Variants in SNAP91 observed in about 807,000 individuals in gnomAD.
SNAP91 encodes the protein synaptosome associated protein 91.
A neutral mutation model predicts 100.3 loss-of-function variants in SNAP91; 27 were observed. The ratio of observed to expected loss-of-function variants is 0.27; its 90% CI spans 0.20 to 0.37. SNAP91 has a LOEUF of 0.37. Ranked by LOEUF, SNAP91 falls within the 10% of genes least tolerant of loss-of-function variation. The pLI is 1.00. For synonymous variants in SNAP91, 404 were observed against 398.6 expected (o/e 1.01, Z -0.16); for missense variants, 986 against 1,123.7 (o/e 0.88, Z 1.75).
At chr6:83,690,866 T>C (rs2099122069) in intron 2 of SNAP91, among the ~76,000 whole-genome samples, 2 of 152,214 alleles carry the variant, frequency 1.3e-5, no homozygotes, top group South Asian at 2.1e-4. Context: ...AACTACACTA[T>C]AACACCATTT....
At chr6:83,570,083 G>T (rs1263806806) in intron 26 of SNAP91, among the ~76,000 whole-genome samples, 1 of 152,090 alleles carries the variant, frequency 6.6e-6, no homozygotes, top group East Asian at 1.9e-4. Flanking sequence ...AGTTTGGAGG[G>T]CTCAGAAGAA....
At chr6:83,636,655 A>G (rs1584994226) in intron 8 of SNAP91, among the ~76,000 whole-genome samples, 1 of 152,200 alleles carries the variant, frequency 6.6e-6, no homozygotes, top group Non-Finnish European at 1.5e-5. Flanking sequence ...TTCTGTGTCT[A>G]TAATTTCAGA....
At chr6:83,615,901 A>G (rs79232491) in intron 10 of SNAP91, among the ~76,000 whole-genome samples, 4,148 of 152,260 alleles carry the variant, frequency 0.027, 194 homozygotes, top group African/African-American at 0.093. Flanking sequence ...ATCTGTGATC[A>G]GCCTACAGCC....
At chr6:83,616,771 C>A (rs1355830979) in intron 10 of SNAP91, among the ~76,000 whole-genome samples, 198 bp downstream of exon 10, 1 of 152,076 alleles carries the variant, frequency 6.6e-6, no homozygotes, top group Non-Finnish European at 1.5e-5. Flanking sequence ...TAATTTGCTG[C>A]ATTAGCCTGC....
chr6:83,631,391 C>T (rs567940490), intron 8 of SNAP91, among the ~76,000 whole-genome samples: 1 of 152,048 alleles, frequency 6.6e-6, no homozygotes, highest in South Asian at 2.1e-4. Context: ...TTCATTGTTT[C>T]TTTGTTGACT....
chr6:83,660,126 A>G (rs1438836582), intron 5 of SNAP91, among the ~76,000 whole-genome samples: 1 of 152,154 alleles, frequency 6.6e-6, no homozygotes, highest in Non-Finnish European at 1.5e-5. Flanking sequence ...GGAGAAAGCA[A>G]CCTGAAGTGT....
Position 83,564,369 on chromosome 6 carries a change from GCT to G in SNAP91, c.2443-3424_2443-3423del, listed in dbSNP as rs1410282768. On this transcript the variant is annotated intron_variant, in intron 26 of 29. Transcript: ENST00000369694. ...TTTATATATATATATACAGGATCTT[GCT>G]CTGTCACTGAGGCTGGAGTGCAGTG... 2.1e-5 allele frequency among the ~76,000 whole-genome samples: 3 copies of G among 140,716 alleles called. No homozygotes were observed. The East Asian group carries it at 6.3e-4, about 29-fold the overall frequency. 92.3% of individuals were successfully genotyped at this position (140,716 alleles called of 152,430 possible). A position where few individuals can be genotyped will look rare whatever the true frequency, so the allele number is the denominator to read the frequency against.
chr6:83,588,697 T>C (rs982643999), intron 22 of SNAP91, among the ~76,000 whole-genome samples: 2 of 152,122 alleles, frequency 1.3e-5, no homozygotes, highest in Non-Finnish European at 2.9e-5. Context: ...GTTACTGACT[T>C]CTAACTTGGA....
chr6:83,615,287 G>A (rs898609477), intron 10 of SNAP91, among the ~76,000 whole-genome samples: 4 of 152,158 alleles, frequency 2.6e-5, no homozygotes, highest in Non-Finnish European at 5.9e-5. Flanking sequence ...TGGGGTTTGG[G>A]GGACCCTGAG....
At chr6:83,674,460 T>G (rs1020126553) in intron 2 of SNAP91, among the ~76,000 whole-genome samples, 5 of 152,056 alleles carry the variant, frequency 3.3e-5, no homozygotes, top group African/African-American at 1.2e-4. Context: ...AATAAATAAT[T>G]TTATTGTTTT....
intron 11 of SNAP91, 134 bp from the exon 12 acceptor site, chr6:83,610,811 T>G (rs991064700): frequency 1.9e-5 from 4 of 215,162 alleles, no homozygotes; most frequent in African/African-American, 9.6e-5. Context: ...AAGCACTAAC[T>G]TGTTTTATAT....
chr6:83,683,123 T>A (rs1385367744), intron 2 of SNAP91, among the ~76,000 whole-genome samples: 3 of 152,140 alleles, frequency 2.0e-5, no homozygotes, highest in Non-Finnish European at 2.9e-5. Flanking sequence ...TCCTGGGATT[T>A]GGGAAAACCA....
At chr6:83,637,853 G>A (rs952509998) in intron 8 of SNAP91, among the ~76,000 whole-genome samples, 1 of 152,218 alleles carries the variant, frequency 6.6e-6, no homozygotes, top group Non-Finnish European at 1.5e-5. Context: ...TGGGCAGTGT[G>A]CTTGAGTCCC....
chr6:83,706,059 A>C (rs1182300033), intron 2 of SNAP91, among the ~76,000 whole-genome samples: 1 of 152,198 alleles, frequency 6.6e-6, no homozygotes, highest in African/African-American at 2.4e-5. Flanking sequence ...TCAAATTTTC[A>C]AAAGACTTTT....
In SNAP91 at chr6:83,656,754, C is replaced by T. The variant is rs767815217; in HGVS notation, c.658G>A (p.Glu220Lys). 2 of 1,478,686 alleles carry T rather than the reference C, an allele frequency of 1.4e-6. No individual in the cohort carries two copies. The highest frequency in any genetic ancestry group is 1.9e-6 in the Non-Finnish European group (2 of 1,067,880). The allele number at this position is 1,478,686 out of a possible 1,614,324, so 91.6% of individuals were successfully genotyped here. The change falls in exon 7 of 30, where the codon GAA becomes AAA. Residue 220 changes from glutamate (E) to lysine (K), a missense_variant and splice_region_variant. Coordinates refer to ENST00000369694, the MANE Select transcript of SNAP91 (RefSeq NM_001242792.2). Reference protein sequence around the residue: ...CYNDGVINLLEKFFEMKKGQC... With the variant: ...CYNDGVINLLKKFFEMKKGQC... ...GACATGTTTCGGTTGTTCCACCTAC[C>T]GAGTAAGTTAATAACACCATCATTG...
intron 2 of SNAP91, among the ~76,000 whole-genome samples, chr6:83,676,616 T>A (rs2098906560): frequency 6.6e-6 from 1 of 152,162 alleles, no homozygotes; most frequent in Non-Finnish European, 1.5e-5. Context: ...ACTGACCAGG[T>A]TCCAGACAAC....
At chr6:83,633,201 T>TG (rs1231519556) in intron 8 of SNAP91, among the ~76,000 whole-genome samples, 1 of 152,296 alleles carries the variant, frequency 6.6e-6, no homozygotes, top group East Asian at 1.9e-4. Flanking sequence ...AGGCTGGTAC[T>TG]GGGGGGTTGT....
At chr6:83,675,019 G>A (rs1385610793) in intron 2 of SNAP91, among the ~76,000 whole-genome samples, 4 of 152,132 alleles carry the variant, frequency 2.6e-5, no homozygotes, top group East Asian at 3.9e-4. Flanking sequence ...ACCTACTGAC[G>A]GTTTAGGTGG....
At chr6:83,601,702 A>C (rs2095247508) in intron 14 of SNAP91, 103 bp from the exon 15 acceptor site, 8 of 1,073,104 alleles carry the variant, frequency 7.5e-6, no homozygotes, top group Non-Finnish European at 1.1e-5. Flanking sequence ...AACTAAAAAA[A>C]CCTTAGCTTT....
Sources: gnomAD v4.1 joint callset for allele counts (sites outside exome capture counted in the v4.1 genomes callset) on GRCh38, gnomAD v4.1.1 for gene constraint, MANE v1.5 for transcripts, NCBI Gene and HGNC (gene_info 2026-07-23, HGNC 2026-07-21) for gene names.